Variants in AKAP9 observed in about 807,000 individuals in gnomAD.
AKAP9 encodes A-kinase anchoring protein 9, also known as A-kinase anchor protein 9.
In AKAP9, 311 loss-of-function variants were observed where a neutral mutation model predicts 488.5. The observed-to-expected ratio is 0.64, with a 90% CI of 0.58 to 0.70. The LOEUF (loss-of-function observed/expected upper bound fraction) is 0.70. AKAP9 is among the 30% of genes least tolerant of loss of function. The probability of loss-of-function intolerance (pLI) is 0.00; values close to 1 mark genes in which losing one functional copy is unlikely to be tolerated. For missense variants in AKAP9, 4,215 were observed against 4,374.5 expected, an observed-to-expected ratio of 0.96 and a Z score of 1.03; for synonymous variants, 1,462 against 1,483.5, an observed-to-expected ratio of 0.99 and a Z score of 0.33.
intron 1 of AKAP9, among the ~76,000 whole-genome samples, chr7:91,956,353 T>C (rs1327399200): frequency 3.0e-4 from 45 of 148,332 alleles, no homozygotes; most frequent in Admixed American, 8.8e-4. Flanking sequence ...TGGGCCGAGA[T>C]TGCACCACTG....
intron 29 of AKAP9, among the ~76,000 whole-genome samples, chr7:92,077,240 G>A (rs1039175565): frequency 7.3e-5 from 11 of 151,230 alleles, no homozygotes; most frequent in Middle Eastern, 3.2e-3. Context: ...CTATAGGCAC[G>A]TACCACCACG....
chr7:91,953,122 GT>G (rs1792471334), intron 1 of AKAP9, among the ~76,000 whole-genome samples: 2 of 152,222 alleles, frequency 1.3e-5, no homozygotes, highest in South Asian at 2.1e-4. Flanking sequence ...ATGACAGACA[GT>G]GAGGCAGGAA....
chr7:92,082,328 A>G (rs139081793), intron 31 of AKAP9, among the ~76,000 whole-genome samples, 194 bp from the exon 32 acceptor site: 212 of 152,326 alleles, frequency 1.4e-3, no homozygotes, highest in African/African-American at 4.9e-3. Flanking sequence ...CAAGAAGAAA[A>G]TCATTGTCTC....
At position 92,041,698 on chromosome 7, in the gene AKAP9, AAAT is replaced by A. The variant is rs547866527; in HGVS notation, c.4918-342_4918-340del. 108 of 220,740 alleles carry A rather than the reference AAAT, an allele frequency of 4.9e-4. No homozygotes were observed. In the East Asian group the frequency reaches 7.7e-3, roughly 16 times the overall value. The allele number at this position is 220,740 out of a possible 1,614,324, so 13.7% of individuals were successfully genotyped here. ...TATTAACAGTATTCTTTCAAACATA[AAAT>A]AATAAGATAATTGGGAGCTGAGCAT... On this transcript the variant is annotated intron_variant, in intron 18 of 49. Coordinates refer to ENST00000356239, the MANE Select transcript of AKAP9 (RefSeq NM_005751.5).
In AKAP9 at chr7:92,062,420, G is replaced by A. The variant is rs886038914; in HGVS notation, c.5911G>A (p.Glu1971Lys). 6.2e-6 allele frequency: 10 copies of A among 1,613,844 alleles called. No homozygotes were observed. The South Asian group carries it at 8.8e-5, about 14-fold the overall frequency. The part of the protein sequence containing the change: ...ELEAEQQQIQ[E>K]ERELLSRQKE... ...GGAGGCAGAGCAACAGCAGATCCAA[G>A]AAGAAAGAGAATTACTGTCCAGACA... is the stretch of plus-strand genomic sequence containing the variant. Residue 1971 changes from glutamate to lysine, a missense_variant, in exon 24 of 50, where the codon GAA (glutamate) becomes AAA (lysine). Coordinates refer to ENST00000356239, the MANE Select transcript of AKAP9 (RefSeq NM_005751.5).
chr7:91,962,327 A>T (rs1485297394), intron 1 of AKAP9, among the ~76,000 whole-genome samples: 2 of 152,090 alleles, frequency 1.3e-5, no homozygotes, highest in African/African-American at 2.4e-5. Context: ...TGAGAATTTA[A>T]ATTTTGTTTT....
intron 3 of AKAP9, among the ~76,000 whole-genome samples, chr7:91,988,763 C>G (rs1402677504): frequency 6.6e-6 from 1 of 152,084 alleles, no homozygotes. Context: ...CTGTATGAAC[C>G]TGGGCACATC....
At chr7:92,012,387 T>C in intron 8 of AKAP9, 42 bp from the exon 9 acceptor site, 1 of 1,529,598 alleles carries the variant, frequency 6.5e-7, no homozygotes. Flanking sequence ...ATTTGATTTG[T>C]CATTTAAGAA....
intron 12 of AKAP9, among the ~76,000 whole-genome samples, chr7:92,020,864 G>C (rs1370842511): frequency 1.3e-5 from 2 of 152,198 alleles, no homozygotes; most frequent in Non-Finnish European, 2.9e-5. Context: ...ATGTATAAGA[G>C]TAGTGAACAG....
chr7:92,107,185 T>G, intron 47 of AKAP9, 108 bp from the exon 48 acceptor site: 1 of 1,051,998 alleles, frequency 9.5e-7, no homozygotes. Flanking sequence ...AATAGGAGAT[T>G]GTATAATATA....
intron 10 of AKAP9, among the ~76,000 whole-genome samples, chr7:92,015,635 A>T (rs142056008): frequency 6.4e-4 from 98 of 152,270 alleles, no homozygotes; most frequent in African/African-American, 2.4e-3. Flanking sequence ...AAGTGCTGGG[A>T]TTACAGGCAT....
chr7:92,022,335 C>T lies in AKAP9; in HGVS notation c.3935C>T (p.Thr1312Ile). 1 of 1,608,332 alleles carries T rather than the reference C, an allele frequency of 6.2e-7. No individual in the cohort carries two copies. Among genetic ancestry groups the T allele is most frequent in the Non-Finnish European group, 8.5e-7 (1 of 1,174,968 alleles). The change falls in exon 13 of 50, where the codon ACC becomes ATC. Residue 1312 changes from threonine (T) to isoleucine (I), a missense_variant. Coordinates refer to ENST00000356239, the MANE Select transcript of AKAP9 (RefSeq NM_005751.5). ...TEFLSIHSQM[T>I]NLEDIDVNHK... The stretch of plus-strand genomic sequence containing the variant: ...TTTTTATCAATCCATTCTCAGATGA[C>T]CAATTTGGAAGACATTGGTAAATTT...
At chr7:92,047,522 G>T (rs1807213847) in intron 21 of AKAP9, among the ~76,000 whole-genome samples, 1 of 152,064 alleles carries the variant, frequency 6.6e-6, no homozygotes, top group Non-Finnish European at 1.5e-5. Context: ...ACTGACCATA[G>T]TTTTCAATTA....
At chr7:91,970,463 T>A (rs1286941935) in intron 1 of AKAP9, 7 of 457,176 alleles carry the variant, frequency 1.5e-5, no homozygotes, top group Non-Finnish European at 3.1e-5. Flanking sequence ...TTAGTGTTTT[T>A]TTCTTTCAGA....
intron 14 of AKAP9, 96 bp downstream of exon 14, chr7:92,023,105 A>G: frequency 7.6e-7 from 1 of 1,313,866 alleles, no homozygotes; most frequent in South Asian, 1.2e-5. Context: ...TAACTTAAGC[A>G]AAGTTGCTGG....
chr7:92,064,655 A>C (rs1412143252), intron 24 of AKAP9, among the ~76,000 whole-genome samples: 1 of 152,184 alleles, frequency 6.6e-6, no homozygotes, highest in African/African-American at 2.4e-5. Flanking sequence ...CTTGATTCAC[A>C]TACATGTGAC....
chr7:92,102,455 T>TACC lies in AKAP9; in HGVS notation c.11098-137_11098-136insCAC. The TACC allele has an allele frequency of 8.6e-6, 3 of 349,594 alleles. No individual in the cohort carries two copies. The East Asian group carries it at 1.7e-4, about 19-fold the overall frequency. 21.7% of individuals were successfully genotyped at this position (349,594 alleles called of 1,614,324 possible). A position where few individuals can be genotyped will look rare whatever the true frequency, so the allele number is the denominator to read the frequency against. ...GAACCTGCCGTTTTACTATTACTAC[T>TACC]ACTACTACTACTACTACTACTACTA... is the stretch of plus-strand genomic sequence containing the variant. On this transcript the variant is annotated intron_variant, in intron 45 of 49. Coordinates refer to ENST00000356239, the MANE Select transcript of AKAP9 (RefSeq NM_005751.5).
intron 1 of AKAP9, among the ~76,000 whole-genome samples, chr7:91,947,204 G>A (rs1038699614): frequency 2.6e-5 from 4 of 151,924 alleles, no homozygotes; most frequent in Admixed American, 6.6e-5. Context: ...GTGCTGGAGA[G>A]AGGGAGAAAG....
intron 16 of AKAP9, among the ~76,000 whole-genome samples, chr7:92,032,842 T>C (rs1386927511): frequency 2.0e-5 from 3 of 152,168 alleles, no homozygotes; most frequent in African/African-American, 7.2e-5. Context: ...CACAAATTTA[T>C]CAAATGGAAT....
Sources: allele counts gnomAD v4.1 joint callset (sites outside exome capture counted in the v4.1 genomes callset), GRCh38; gene constraint gnomAD v4.1.1; transcripts MANE v1.5; gene names NCBI Gene and HGNC (gene_info 2026-07-23, HGNC 2026-07-21).